The following OCA2 variants were observed in gnomAD, a reference collection of about 807,000 sequenced individuals.
The protein encoded by OCA2 is P protein.
OCA2 carries 77 observed loss-of-function variants against 100.2 expected under a neutral mutation model. That is an observed-to-expected ratio of 0.77 (90% CI 0.64 to 0.93). The LOEUF is 0.93. Among genes scored for constraint, OCA2 ranks in the 40% least tolerant of loss-of-function variants. The pLI is 0.00. For synonymous variants in OCA2, 432 were observed against 439.2 expected, an observed-to-expected ratio of 0.98 and a Z score of 0.21; for missense variants, 1,062 against 1,089.1, an observed-to-expected ratio of 0.98 and a Z score of 0.35.
intron 21 of OCA2, among the ~76,000 whole-genome samples, chr15:27,870,335 C>T (rs1379547861): frequency 6.6e-6 from 1 of 152,226 alleles, no homozygotes; most frequent in East Asian, 1.9e-4. Context: ...GCCCTGCACA[C>T]CTGGGACCTC....
intron 23 of OCA2, among the ~76,000 whole-genome samples, chr15:27,832,884 G>A (rs2035016440): frequency 6.9e-6 from 1 of 144,290 alleles, no homozygotes; most frequent in South Asian, 2.2e-4. Context: ...ACGATCTCGG[G>A]TCACTGCACC....
chr15:27,961,788 G>C (rs964935325), intron 15 of OCA2, among the ~76,000 whole-genome samples: 1 of 152,038 alleles, frequency 6.6e-6, no homozygotes, highest in African/African-American at 2.4e-5. Flanking sequence ...TCACACACCG[G>C]GGGCTGTCGG....
chr15:27,827,073 C>G (rs1274603519), intron 23 of OCA2, among the ~76,000 whole-genome samples: 1 of 152,212 alleles, frequency 6.6e-6, no homozygotes, highest in South Asian at 2.1e-4. Context: ...AGACAGTAAG[C>G]AGCCTCTCAC....
At chr15:27,746,460 TAAAAAATA>T in the OCA2 span, among the ~76,000 whole-genome samples, 2 of 84,084 alleles carry the variant, frequency 2.4e-5, no homozygotes, top group African/African-American at 5.4e-5. Flanking sequence ...GACTCTGTAT[TAAAAAATA>T]AATAAATAAA....
At chr15:27,893,727 C>A (rs961909218) in intron 19 of OCA2, among the ~76,000 whole-genome samples, 1 of 152,140 alleles carries the variant, frequency 6.6e-6, no homozygotes, top group African/African-American at 2.4e-5. Context: ...TGTAGTCAGA[C>A]CAGTTCTCTG....
the OCA2 span, among the ~76,000 whole-genome samples, chr15:27,728,481 T>A: frequency 6.6e-6 from 1 of 152,162 alleles, no homozygotes; most frequent in Non-Finnish European, 1.5e-5. Flanking sequence ...CCATCAGCCT[T>A]CTTTCATTTT....
At chr15:27,989,488 A>G (rs1195571541) in intron 11 of OCA2, 113 bp downstream of exon 11, 4 of 836,830 alleles carry the variant, frequency 4.8e-6, no homozygotes, top group Admixed American at 2.0e-5. Context: ...CTTCTCAGTC[A>G]AGCCCTAGGC....
chr15:27,754,636 G>A (rs1157844696), downstream of OCA2, among the ~76,000 whole-genome samples: 1 of 152,190 alleles, frequency 6.6e-6, no homozygotes, highest in Non-Finnish European at 1.5e-5. Context: ...CGTCCTGCAG[G>A]GAGAGCAGGA....
At chr15:27,738,668 G>A in the OCA2 span, among the ~76,000 whole-genome samples, 1 of 150,758 alleles carries the variant, frequency 6.6e-6, no homozygotes, top group Non-Finnish European at 1.5e-5. Context: ...CCGGGAGGCA[G>A]AGCTTGCAGT....
intron 15 of OCA2, among the ~76,000 whole-genome samples, chr15:27,965,559 G>A (rs796090809): frequency 5.9e-5 from 9 of 152,314 alleles, no homozygotes; most frequent in African/African-American, 2.2e-4. Flanking sequence ...GGACCATGTC[G>A]TGGCCTCCAG....
chr15:27,940,346 C>G (rs539339207), intron 18 of OCA2, among the ~76,000 whole-genome samples: 10 of 152,216 alleles, frequency 6.6e-5, no homozygotes, highest in Non-Finnish European at 1.3e-4. Flanking sequence ...GTTTCCAGCC[C>G]TGTAGTTAGG....
chr15:27,740,606 G>A, the OCA2 span, among the ~76,000 whole-genome samples: 1 of 152,326 alleles, frequency 6.6e-6, no homozygotes, highest in Admixed American at 6.5e-5. Flanking sequence ...ATGCAGAGTT[G>A]AGTTACACAT....
At chr15:28,084,521 G>A (rs1417972483) in intron 1 of OCA2, among the ~76,000 whole-genome samples, 1 of 152,170 alleles carries the variant, frequency 6.6e-6, no homozygotes. Flanking sequence ...ACCACAAAGT[G>A]TACCTGTTAA....
chr15:27,943,728 CTTCT>C (rs1405426536), intron 18 of OCA2, among the ~76,000 whole-genome samples: 1 of 150,936 alleles, frequency 6.6e-6, no homozygotes, highest in Non-Finnish European at 1.5e-5. Flanking sequence ...AACCCAGGCT[CTTCT>C]TTCTATTGAT....
chr15:27,858,087 C>A (rs181759779), intron 21 of OCA2, among the ~76,000 whole-genome samples: 1 of 151,564 alleles, frequency 6.6e-6, no homozygotes, highest in East Asian at 1.9e-4. Flanking sequence ...AAAAGAAATA[C>A]ATGGCAGAGT....
intron 23 of OCA2, among the ~76,000 whole-genome samples, chr15:27,761,781 T>C (rs981405884): frequency 1.3e-5 from 2 of 152,172 alleles, no homozygotes; most frequent in Non-Finnish European, 2.9e-5. Flanking sequence ...CATGGATCAA[T>C]GGGCCAGAAC....
intron 18 of OCA2, among the ~76,000 whole-genome samples, chr15:27,927,914 C>G (rs1209061400): frequency 6.6e-6 from 1 of 151,636 alleles, no homozygotes; most frequent in African/African-American, 2.4e-5. Flanking sequence ...GCCTCAGCCT[C>G]CCGAGTAGCT....
chr15:28,083,323 T>C (rs188215745), intron 1 of OCA2, among the ~76,000 whole-genome samples: 19 of 152,296 alleles, frequency 1.2e-4, no homozygotes, highest in African/African-American at 3.8e-4. Flanking sequence ...AAACATGACA[T>C]TCGAAGAAAC....
chr15:27,772,840 CAAA>C (rs55814100), intron 23 of OCA2, among the ~76,000 whole-genome samples: 2 of 122,818 alleles, frequency 1.6e-5, no homozygotes, highest in Non-Finnish European at 1.7e-5. Context: ...GACTCTATCT[CAAA>C]AAAAAAAAAA....
Sources: gnomAD v4.1 joint callset for allele counts (sites outside exome capture counted in the v4.1 genomes callset) on GRCh38, gnomAD v4.1.1 for gene constraint, MANE v1.5 for transcripts, NCBI Gene and HGNC (gene_info 2026-07-23, HGNC 2026-07-21) for gene names.